PPP1R12A: variants seen among roughly 807,000 people sequenced by gnomAD.
PPP1R12A encodes the protein protein phosphatase 1 regulatory subunit 12A, also known as myosin binding subunit.
In PPP1R12A, 19 loss-of-function variants were observed where a neutral mutation model predicts 139.6. The ratio of observed to expected loss-of-function variants is 0.14; its 90% CI spans 0.09 to 0.20. PPP1R12A has a LOEUF of 0.20. Among genes scored for constraint, PPP1R12A ranks in the 10% least tolerant of loss-of-function variants. The probability of loss-of-function intolerance (pLI) is 1.00; values close to 1 mark genes in which losing one functional copy is unlikely to be tolerated. For synonymous variants in PPP1R12A, 427 were observed against 420.6 expected (o/e 1.02, Z -0.19); for missense variants, 925 against 1,211.5 (o/e 0.76, Z 3.51).
intron 22 of PPP1R12A, chr12:79,782,434 C>T (rs190702651): frequency 5.3e-4 from 159 of 298,620 alleles, no homozygotes; most frequent in South Asian, 2.5e-3. Flanking sequence ...TCTAGCTGTA[C>T]AGCTTTCTTC....
In PPP1R12A at chr12:79,906,249, TATATG is replaced by T. The variant is rs1886100142; in HGVS notation, c.237+28441_237+28445del. Among the ~76,000 whole-genome samples the T allele has an allele frequency of 1.3e-5, 2 of 152,152 alleles. 1 individual carries two copies. Among genetic ancestry groups the T allele is most frequent in the African/African-American group, 4.8e-5 (2 of 41,528 alleles). ...AATGATAAAAACTTAAAAAATCAGCTATATGATAAGTGGGATTAAAAAAACTGTAT... is the reference window on the plus strand; with the variant it reads ...AATGATAAAAACTTAAAAAATCAGCTATAAGTGGGATTAAAAAAACTGTAT... On this transcript the variant is annotated intron_variant, in intron 1 of 24. Coordinates refer to ENST00000450142, the MANE Select transcript of PPP1R12A (RefSeq NM_002480.3).
intron 1 of PPP1R12A, among the ~76,000 whole-genome samples, chr12:79,906,016 G>A (rs1377914159): frequency 1.3e-5 from 2 of 152,068 alleles, no homozygotes; most frequent in Non-Finnish European, 2.9e-5. Context: ...GTGTGGAGAT[G>A]CTCAGCTAAG....
rs1491145335 is a variant in PPP1R12A at position 79,890,905 on chromosome 12, C to CACACACACA, written c.238-17968_238-17967insTGTGTGTGT. Among the ~76,000 whole-genome samples the CACACACACA allele has an allele frequency of 3.3e-3, 379 of 115,714 alleles. 3 individuals carry two copies. The highest frequency in any genetic ancestry group is 3.6e-3 in the Admixed American group (41 of 11,316). The allele number at this position is 115,714 out of a possible 152,430, so 75.9% of individuals were successfully genotyped here. A position where few individuals can be genotyped will look rare whatever the true frequency, so the allele number is the denominator to read the frequency against. ...ACACACACCACCCACCCACACCCAC[C>CACACACACA]CACACACACACACACACACACACAC... On this transcript the variant is annotated intron_variant, in intron 1 of 24. Transcript: ENST00000450142.
At chr12:79,838,039 A>G (rs1878290626) in intron 3 of PPP1R12A, among the ~76,000 whole-genome samples, 1 of 152,188 alleles carries the variant, frequency 6.6e-6, no homozygotes, top group Non-Finnish European at 1.5e-5. Flanking sequence ...TAGAGGGCTC[A>G]GAGGAAGACA....
intron 2 of PPP1R12A, among the ~76,000 whole-genome samples, chr12:79,846,311 G>T (rs1879382195): frequency 6.6e-6 from 1 of 152,152 alleles, no homozygotes; most frequent in Non-Finnish European, 1.5e-5. Flanking sequence ...CATCAAACCT[G>T]CCAAAGGTAT....
At chr12:79,831,982 A>G (rs1877487691) in intron 4 of PPP1R12A, among the ~76,000 whole-genome samples, 1 of 152,228 alleles carries the variant, frequency 6.6e-6, no homozygotes, top group African/African-American at 2.4e-5. Context: ...GTATGTTCAC[A>G]GGACATTGTT....
chr12:79,798,103 T>C (rs932812986), intron 15 of PPP1R12A, among the ~76,000 whole-genome samples: 12 of 152,262 alleles, frequency 7.9e-5, no homozygotes, highest in Admixed American at 2.0e-4. Flanking sequence ...TTCCAAATAT[T>C]CATAGAACTT....
At chr12:79,864,870 G>A (rs1881787859) in intron 2 of PPP1R12A, among the ~76,000 whole-genome samples, 1 of 152,194 alleles carries the variant, frequency 6.6e-6, no homozygotes, top group Non-Finnish European at 1.5e-5. Context: ...TGGATTCACA[G>A]CCGAATTCTA....
intron 1 of PPP1R12A, among the ~76,000 whole-genome samples, chr12:79,930,501 G>A (rs1053584702): frequency 1.2e-4 from 19 of 152,088 alleles, no homozygotes; most frequent in African/African-American, 2.9e-4. Context: ...GGCTAGGTGC[G>A]GTGGCTCACG....
chr12:79,935,266 G>C (rs566388655), upstream of PPP1R12A: 6 of 1,106,280 alleles, frequency 5.4e-6, no homozygotes, highest in Admixed American at 1.6e-4. Flanking sequence ...CCCGCCCCAG[G>C]AAGAGCGCTC....
intron 2 of PPP1R12A, among the ~76,000 whole-genome samples, chr12:79,858,479 A>C (rs1880941858): frequency 6.6e-6 from 1 of 152,206 alleles, no homozygotes; most frequent in African/African-American, 2.4e-5. Context: ...TTTCCATTTT[A>C]TGGATAAAGA....
At chr12:79,821,995 G>T in intron 6 of PPP1R12A, 121 bp downstream of exon 6, 1 of 640,536 alleles carries the variant, frequency 1.6e-6, no homozygotes, top group Non-Finnish European at 2.6e-6. Context: ...ATCATTTAGT[G>T]AAACTTAAGG....
At chr12:79,842,103 TGAGTTCAA>T (rs1235343925) in intron 3 of PPP1R12A, among the ~76,000 whole-genome samples, 3 of 152,082 alleles carry the variant, frequency 2.0e-5, no homozygotes, top group African/African-American at 4.8e-5. Flanking sequence ...GTGGACTGCT[TGAGTTCAA>T]GAGTTCAAGA....
intron 1 of PPP1R12A, among the ~76,000 whole-genome samples, chr12:79,886,720 C>A (rs61952068): frequency 6.6e-6 from 1 of 152,008 alleles, no homozygotes; most frequent in Non-Finnish European, 1.5e-5. Flanking sequence ...AAAAAACCCA[C>A]AAAAGTTTCT....
At chr12:79,903,009 T>G (rs890458158) in intron 1 of PPP1R12A, among the ~76,000 whole-genome samples, 23 of 151,580 alleles carry the variant, frequency 1.5e-4, no homozygotes, top group Admixed American at 1.4e-3. Flanking sequence ...TGTAAGAAAA[T>G]GACTGCTTAT....
At position 79,797,500 on chromosome 12, in the gene PPP1R12A, T is replaced by A; in HGVS notation, c.2092-105A>T. 4.6e-6 allele frequency: 5 copies of A among 1,086,162 alleles called. No individual in the cohort carries two copies. In the South Asian group the frequency reaches 8.4e-5, roughly 18 times the overall value. The allele number at this position is 1,086,162 out of a possible 1,614,324, so 67.3% of individuals were successfully genotyped here. A position where few individuals can be genotyped will look rare whatever the true frequency, so the allele number is the denominator to read the frequency against. On this transcript the variant is annotated intron_variant, in intron 15 of 24. Coordinates refer to ENST00000450142, the MANE Select transcript of PPP1R12A (RefSeq NM_002480.3). ...ACATACAAATGCATTAAAAGTCAAA[T>A]ATGCATGTTTAAAATTGGTTTGCAA...
At chr12:79,860,257 C>T (rs1227814610) in intron 2 of PPP1R12A, among the ~76,000 whole-genome samples, 1 of 152,134 alleles carries the variant, frequency 6.6e-6, no homozygotes, top group Non-Finnish European at 1.5e-5. Context: ...TTTTCTTATT[C>T]ATATACAAAA....
intron 1 of PPP1R12A, among the ~76,000 whole-genome samples, chr12:79,902,219 G>GT (rs1256678109): frequency 6.6e-6 from 1 of 152,108 alleles, no homozygotes; most frequent in African/African-American, 2.4e-5. Flanking sequence ...CAAATCTATA[G>GT]TAAGTGTTTC....
chr12:79,817,622 C>T, intron 8 of PPP1R12A, 104 bp from the exon 9 acceptor site: 2 of 1,160,206 alleles, frequency 1.7e-6, no homozygotes, highest in Non-Finnish European at 2.4e-6. Context: ...GTTTTGTTAA[C>T]TAAAAGTCTT....
Sources: allele counts gnomAD v4.1 joint callset (sites outside exome capture counted in the v4.1 genomes callset), GRCh38; gene constraint gnomAD v4.1.1; transcripts MANE v1.5; gene names NCBI Gene and HGNC (gene_info 2026-07-23, HGNC 2026-07-21).